CD36: variants seen among roughly 807,000 people sequenced by gnomAD.
CD36 encodes the protein platelet glycoprotein 4.
In CD36, 119 loss-of-function variants were observed where a neutral mutation model predicts 55.2. That is an observed-to-expected ratio of 2.15 (90% CI 1.86 to 2.51). CD36 has a LOEUF of 2.51. CD36 is among the 30% of genes most tolerant of loss of function. The probability of loss-of-function intolerance (pLI) is 0.00; values close to 1 mark genes in which losing one functional copy is unlikely to be tolerated. For missense variants in CD36, 819 were observed against 555.5 expected, an observed-to-expected ratio of 1.47 and a Z score of -4.77; for synonymous variants, 186 against 193.6, an observed-to-expected ratio of 0.96 and a Z score of 0.33.
intron 1 of CD36, chr7:80,602,382 G>C (rs1256881971): frequency 2.6e-5 from 4 of 152,078 alleles, no homozygotes; most frequent in Non-Finnish European, 5.9e-5. Flanking sequence ...AGAAGTTGGT[G>C]AGCAGAATGC....
chr7:80,651,382 C>T (rs1795606085), intron 3 of CD36, among the ~76,000 whole-genome samples: 1 of 151,758 alleles, frequency 6.6e-6, no homozygotes, highest in Non-Finnish European at 1.5e-5. Flanking sequence ...TACCTCTGAC[C>T]CTAAAATAAA....
chr7:80,660,517 G>T (rs961585388), intron 4 of CD36, among the ~76,000 whole-genome samples: 9 of 152,118 alleles, frequency 5.9e-5, no homozygotes, highest in African/African-American at 1.9e-4. Flanking sequence ...TCAGGATAAA[G>T]TCTCGTTTGA....
At chr7:80,604,938 C>G (rs747989435) in intron 1 of CD36, among the ~76,000 whole-genome samples, 2 of 151,990 alleles carry the variant, frequency 1.3e-5, no homozygotes, top group Non-Finnish European at 2.9e-5. Context: ...TTCCTTTGGT[C>G]CCATGTTGGA....
At position 80,666,487 on chromosome 7, in the gene CD36, C is replaced by G. The variant is rs149178142; in HGVS notation, c.746C>G (p.Thr249Arg). Residue 249 changes from threonine (T) to arginine (R), a missense_variant and splice_region_variant, in exon 8 of 15, where the codon ACA becomes AGA. Transcript: ENST00000447544. ...AGTCACTGCGACATGATTAATGGTA[C>G]AGGTAAGAATATTTGTTTTGTGGTC... is the stretch of plus-strand genomic sequence containing the variant. ...WESHCDMING[T>R]DAASFPPFVE... The G allele has an allele frequency of 2.6e-5, 42 of 1,605,328 alleles. No individual in the cohort carries two copies. The highest frequency in any genetic ancestry group is 3.5e-5 in the Non-Finnish European group (41 of 1,172,640).
intron 1 of CD36, among the ~76,000 whole-genome samples, chr7:80,628,624 T>G (rs1160375709): frequency 6.6e-6 from 1 of 152,104 alleles, no homozygotes; most frequent in African/African-American, 2.4e-5. Flanking sequence ...ACCTGTGATC[T>G]AATGCCTATG....
intron 3 of CD36, among the ~76,000 whole-genome samples, chr7:80,653,505 G>A (rs577699900): frequency 6.6e-5 from 10 of 152,292 alleles, no homozygotes; most frequent in African/African-American, 2.4e-4. Context: ...AACATGCTAT[G>A]TGAGAGTCAC....
At chr7:80,656,727 C>T in intron 4 of CD36, 27 bp downstream of exon 4, 2 of 1,596,822 alleles carry the variant, frequency 1.3e-6, no homozygotes, top group South Asian at 2.2e-5. Context: ...AAATATGAGA[C>T]ACTCTTACCT....
At chr7:80,644,029 A>G (rs778912307) in intron 1 of CD36, among the ~76,000 whole-genome samples, 2 of 152,204 alleles carry the variant, frequency 1.3e-5, no homozygotes, top group Non-Finnish European at 2.9e-5. Flanking sequence ...GACATTCTCT[A>G]GTTGGCGATT....
intron 14 of CD36, among the ~76,000 whole-genome samples, chr7:80,674,986 A>C (rs1329907575): frequency 6.6e-6 from 1 of 152,096 alleles, no homozygotes; most frequent in Non-Finnish European, 1.5e-5. Context: ...TCTTCTAGAG[A>C]TGTTCCATGA....
At chr7:80,623,540 AT>A (rs1213228664) in intron 1 of CD36, among the ~76,000 whole-genome samples, 20 of 152,154 alleles carry the variant, frequency 1.3e-4, no homozygotes, top group African/African-American at 4.6e-4. Context: ...GTTTTAATTT[AT>A]TTGATTTGTG....
At chr7:80,645,784 T>C (rs1383291186) in intron 1 of CD36, among the ~76,000 whole-genome samples, 1 of 151,288 alleles carries the variant, frequency 6.6e-6, no homozygotes, top group Non-Finnish European at 1.5e-5. Context: ...GAAAAAATTC[T>C]TCAGTAAGAG....
chr7:80,670,786 A>G (rs1797583676), intron 9 of CD36, 191 bp from the exon 10 acceptor site: 1 of 586,520 alleles, frequency 1.7e-6, no homozygotes, highest in East Asian at 2.8e-5. Context: ...CTTCACAAAC[A>G]AGAATAGTTC....
At chr7:80,643,992 A>C (rs3212160) in intron 1 of CD36, among the ~76,000 whole-genome samples, 69,427 of 152,014 alleles carry the variant, frequency 0.46, 16,961 homozygotes, top group Non-Finnish European at 0.55. Context: ...TCTCATTATC[A>C]GTTCACAACA....
intron 1 of CD36, among the ~76,000 whole-genome samples, chr7:80,622,989 A>C (rs2115926034): frequency 7.3e-6 from 1 of 136,230 alleles, no homozygotes; most frequent in Non-Finnish European, 1.6e-5. Context: ...AACTTTAGAC[A>C]ACAGTCCTTG....
rs544929354 is a variant in CD36 at position 80,672,441 on chromosome 7, A to G, written c.1126-329A>G. Among the ~76,000 whole-genome samples, 122 of 151,980 alleles carry G rather than the reference A, an allele frequency of 8.0e-4. 1 individual carries two copies. The highest frequency in any genetic ancestry group is 9.1e-4 in the Non-Finnish European group (62 of 67,776). ...GTTATGTTTTAGTTTAAACAATGACACATGGATTCTAACTGAATATATATT... is the reference window on the plus strand; with the variant it reads ...GTTATGTTTTAGTTTAAACAATGACGCATGGATTCTAACTGAATATATATT... On this transcript the variant is annotated intron_variant, in intron 11 of 14. Transcript: ENST00000447544.
intron 3 of CD36, among the ~76,000 whole-genome samples, chr7:80,649,493 G>GA (rs3211823): frequency 6.6e-6 from 1 of 151,104 alleles, no homozygotes; most frequent in African/African-American, 2.4e-5. Flanking sequence ...TGAGTATATA[G>GA]AAAAAAAAAA....
At position 80,646,682 on chromosome 7, in the gene CD36, T is replaced by C. The variant is rs1325768702; in HGVS notation, c.-59T>C. On this transcript the variant is annotated 5_prime_UTR_variant, in exon 3 of 15. Transcript: ENST00000447544. Reference sequence around the variant, plus strand: ...GAGCTTGTAGAAACCACTTTAATCATATCCAGGAGTTTGCAAGAAACAGGT... The same window carrying C: ...GAGCTTGTAGAAACCACTTTAATCACATCCAGGAGTTTGCAAGAAACAGGT... 1 of 1,607,344 alleles carries C rather than the reference T, an allele frequency of 6.2e-7. No homozygotes were observed. The highest frequency in any genetic ancestry group is 2.2e-5 in the East Asian group (1 of 44,770).
At chr7:80,669,479 G>A (rs1233722669) in intron 8 of CD36, among the ~76,000 whole-genome samples, 1 of 152,122 alleles carries the variant, frequency 6.6e-6, no homozygotes, top group Admixed American at 6.5e-5. Context: ...CCAGGCTGGA[G>A]TGCAATGGCA....
At chr7:80,616,801 T>G (rs1323643722) in intron 1 of CD36, among the ~76,000 whole-genome samples, 1 of 152,130 alleles carries the variant, frequency 6.6e-6, no homozygotes, top group African/African-American at 2.4e-5. Context: ...ACCCTACAAG[T>G]GCAAAGTGGC....
Sources: gnomAD v4.1 joint callset for allele counts (sites outside exome capture counted in the v4.1 genomes callset) on GRCh38, gnomAD v4.1.1 for gene constraint, MANE v1.5 for transcripts, NCBI Gene and HGNC (gene_info 2026-07-23, HGNC 2026-07-21) for gene names.